The following WWOX variants were observed in gnomAD, a reference collection of about 807,000 sequenced individuals.
WWOX encodes the protein WW domain containing oxidoreductase, also known as WW domain-containing oxidoreductase.
In WWOX, 69 loss-of-function variants were observed where a neutral mutation model predicts 46.2. The ratio of observed to expected loss-of-function variants is 1.49; its 90% CI spans 1.23 to 1.82. The LOEUF (loss-of-function observed/expected upper bound fraction) is 1.82. WWOX is among the 40% of genes most tolerant of loss of function. The probability of loss-of-function intolerance (pLI) is 0.00; values close to 1 mark genes in which losing one functional copy is unlikely to be tolerated. For missense variants in WWOX, 919 were observed against 542.6 expected (o/e 1.69, Z -6.89); for synonymous variants, 359 against 202.6 (o/e 1.77, Z -6.56).
chr16:79,108,784 C>A (rs1269890169), intron 8 of WWOX, among the ~76,000 whole-genome samples: 2 of 151,972 alleles, frequency 1.3e-5, no homozygotes, highest in Non-Finnish European at 2.9e-5. Context: ...GCCTGTAATC[C>A]TAGCTACTTG....
chr16:78,222,210 G>T (rs1226673618), intron 5 of WWOX, among the ~76,000 whole-genome samples: 2 of 152,102 alleles, frequency 1.3e-5, no homozygotes, highest in Non-Finnish European at 2.9e-5. Context: ...GGGCACGAGG[G>T]GCTAAGCTGT....
intron 8 of WWOX, among the ~76,000 whole-genome samples, chr16:79,008,842 C>G (rs947281716): frequency 1.3e-5 from 2 of 152,224 alleles, no homozygotes; most frequent in Non-Finnish European, 1.5e-5. Context: ...CAGGGGGCCC[C>G]GATCAGGTGG....
intron 8 of WWOX, among the ~76,000 whole-genome samples, chr16:78,852,375 C>T (rs1039230235): frequency 2.6e-5 from 4 of 152,202 alleles, no homozygotes; most frequent in Non-Finnish European, 5.9e-5. Context: ...TCTTGGATCA[C>T]TCCTTGTGGC....
chr16:78,816,856 T>G (rs2051343653), intron 8 of WWOX, among the ~76,000 whole-genome samples: 1 of 152,154 alleles, frequency 6.6e-6, no homozygotes, highest in South Asian at 2.1e-4. Flanking sequence ...TATTTCAGTT[T>G]CCAAAATTTT....
intron 2 of WWOX, among the ~76,000 whole-genome samples, chr16:78,109,285 G>A (rs995067434): frequency 6.6e-6 from 1 of 151,942 alleles, no homozygotes; most frequent in African/African-American, 2.4e-5. Flanking sequence ...CTGGGAATTC[G>A]AGGTGAGCCT....
At chr16:78,847,629 T>G (rs2052334987) in intron 8 of WWOX, among the ~76,000 whole-genome samples, 1 of 152,148 alleles carries the variant, frequency 6.6e-6, no homozygotes, top group African/African-American at 2.4e-5. Flanking sequence ...CCACTGCATC[T>G]AGCCACAACT....
chr16:78,718,740 G>C (rs1013181113), intron 8 of WWOX, among the ~76,000 whole-genome samples: 2 of 151,580 alleles, frequency 1.3e-5, no homozygotes, highest in East Asian at 3.9e-4. Context: ...GTTTCTGAAG[G>C]ATGTTTTTTT....
chr16:78,188,043 T>C (rs1325311090), intron 5 of WWOX, among the ~76,000 whole-genome samples: 1 of 152,150 alleles, frequency 6.6e-6, no homozygotes. Flanking sequence ...AACTTGGGAT[T>C]GTGTGGTTTC....
At chr16:78,328,806 T>G (rs1190125158) in intron 5 of WWOX, among the ~76,000 whole-genome samples, 1 of 150,296 alleles carries the variant, frequency 6.7e-6, no homozygotes, top group Non-Finnish European at 1.5e-5. Flanking sequence ...CTCAGGGTGG[T>G]TGACCTTTTG....
At chr16:78,903,770 C>T (rs1428937720) in intron 8 of WWOX, among the ~76,000 whole-genome samples, 4 of 152,190 alleles carry the variant, frequency 2.6e-5, no homozygotes, top group East Asian at 1.9e-4. Context: ...AGAAAAGTCA[C>T]CCGTGGGTTC....
chr16:78,279,365 G>C (rs1021809254), intron 5 of WWOX, among the ~76,000 whole-genome samples: 13 of 152,078 alleles, frequency 8.5e-5, no homozygotes, highest in Non-Finnish European at 1.6e-4. Context: ...CATTTTATAT[G>C]ATTGTAAAAT....
At chr16:79,081,392 G>C (rs2048757656) in intron 8 of WWOX, among the ~76,000 whole-genome samples, 1 of 152,118 alleles carries the variant, frequency 6.6e-6, no homozygotes, top group African/African-American at 2.4e-5. Context: ...TTGAATTCTT[G>C]ACCTCAGGTG....
Position 78,192,131 on chromosome 16 carries a change from T to C in WWOX, c.516+27842T>C, listed in dbSNP as rs530589985. On this transcript the variant is annotated intron_variant, in intron 5 of 8. Transcript: ENST00000566780. ...ATTCATACCCCAAACCTCAGCATAA[T>C]GCAATATACTCATGTAACAAATCTG... 2.6e-5 allele frequency among the ~76,000 whole-genome samples: 4 copies of C among 152,226 alleles called. No homozygotes were observed. The East Asian group carries it at 5.8e-4, about 22-fold the overall frequency.
At chr16:79,074,557 C>G (rs2048618507) in intron 8 of WWOX, among the ~76,000 whole-genome samples, 1 of 151,470 alleles carries the variant, frequency 6.6e-6, no homozygotes, top group Non-Finnish European at 1.5e-5. Flanking sequence ...CTCTACACTC[C>G]TACTTGGAAA....
intron 8 of WWOX, chr16:78,551,222 TACC>T (rs2044165323): frequency 6.6e-6 from 1 of 152,222 alleles, no homozygotes; most frequent in Non-Finnish European, 1.5e-5. Context: ...TGTGAAATCA[TACC>T]ACTGATTTTT....
chr16:78,424,297 T>C (rs894418387), intron 6 of WWOX, among the ~76,000 whole-genome samples: 2 of 152,128 alleles, frequency 1.3e-5, no homozygotes, highest in Admixed American at 1.3e-4. Flanking sequence ...TTTTTTGTGT[T>C]TTGACAGAGA....
intron 6 of WWOX, among the ~76,000 whole-genome samples, chr16:78,422,343 G>C (rs761280109): frequency 1.3e-5 from 2 of 150,086 alleles, no homozygotes; most frequent in African/African-American, 2.5e-5. Flanking sequence ...CTTAGGCTGC[G>C]ATGTGAAAAG....
chr16:78,569,795 G>C (rs140610297), intron 8 of WWOX, among the ~76,000 whole-genome samples: 127 of 152,284 alleles, frequency 8.3e-4, no homozygotes, highest in African/African-American at 3.0e-3. Context: ...ATTGACCAAA[G>C]AGAGGGCATA....
chr16:78,603,430 C>A (rs2045670986), intron 8 of WWOX, among the ~76,000 whole-genome samples: 1 of 152,220 alleles, frequency 6.6e-6, no homozygotes, highest in South Asian at 2.1e-4. Context: ...TGCAGTGCCT[C>A]ATGCCTGCAA....
Sources: gnomAD v4.1 joint callset for allele counts (sites outside exome capture counted in the v4.1 genomes callset) on GRCh38, gnomAD v4.1.1 for gene constraint, MANE v1.5 for transcripts, NCBI Gene and HGNC (gene_info 2026-07-23, HGNC 2026-07-21) for gene names.